ANGPT1: variants seen among roughly 807,000 people sequenced by gnomAD.
ANGPT1 encodes angiopoietin-1.
In ANGPT1, 17 loss-of-function variants were observed where a neutral mutation model predicts 62.2. That is an observed-to-expected ratio of 0.27 (90% CI 0.19 to 0.41). ANGPT1 has a LOEUF of 0.41. Among genes scored for constraint, ANGPT1 ranks in the 10% least tolerant of loss-of-function variants. The probability of loss-of-function intolerance (pLI) is 1.00; values close to 1 mark genes in which losing one functional copy is unlikely to be tolerated. For synonymous variants in ANGPT1, 199 were observed against 198.9 expected (o/e 1.00, Z 0.00); for missense variants, 478 against 594.9 (o/e 0.80, Z 2.04).
At position 107,336,211 on chromosome 8, in the gene ANGPT1, T is replaced by C; in HGVS notation, c.514A>G (p.Lys172Glu). 1 of 1,609,880 alleles carries C rather than the reference T, an allele frequency of 6.2e-7. No individual in the cohort carries two copies. ...QLLENSLSTYKLEKQLLQQTN... is the reference protein window; with the variant it reads ...QLLENSLSTYELEKQLLQQTN... ...TGTTGAAGAAGTTGCTTCTCTAGCTTGTAGGTGGATAATGAATTCTCCAGC... is the reference window on the plus strand; with the variant it reads ...TGTTGAAGAAGTTGCTTCTCTAGCTCGTAGGTGGATAATGAATTCTCCAGC... Residue 172 changes from lysine (K) to glutamate (E), a missense_variant, in exon 3 of 9, where the codon AAG (lysine) becomes GAG (glutamate). This residue lies in a region of ANGPT1 where 343 missense variants were observed against 355.4 expected (regional missense o/e 0.97). Coordinates refer to ENST00000517746, the MANE Select transcript of ANGPT1 (RefSeq NM_001146.5).
chr8:107,470,940 T>A (rs923539612), intron 1 of ANGPT1, among the ~76,000 whole-genome samples: 1 of 152,158 alleles, frequency 6.6e-6, no homozygotes, highest in South Asian at 2.1e-4. Flanking sequence ...ACTTTTACAC[T>A]GTTGGTGGGA....
intron 1 of ANGPT1, among the ~76,000 whole-genome samples, chr8:107,442,406 C>G (rs1811504715): frequency 6.6e-6 from 1 of 152,182 alleles, no homozygotes; most frequent in African/African-American, 2.4e-5. Flanking sequence ...TCAAGTTGTA[C>G]TTAGCTTCCT....
chr8:107,344,365 T>C (rs1815759027), intron 2 of ANGPT1, among the ~76,000 whole-genome samples: 1 of 152,158 alleles, frequency 6.6e-6, no homozygotes, highest in South Asian at 2.1e-4. Flanking sequence ...GAGATATTGG[T>C]ACAAACTGAT....
chr8:107,256,461 G>A (rs1813358743), intron 8 of ANGPT1, among the ~76,000 whole-genome samples: 1 of 152,106 alleles, frequency 6.6e-6, no homozygotes. Context: ...GCAGGCAAAA[G>A]TATAGCAGAC....
intron 1 of ANGPT1, among the ~76,000 whole-genome samples, chr8:107,451,316 G>GACACAC (rs138970014): frequency 0.53 from 79,094 of 148,824 alleles, 21,843 homozygotes; most frequent in Non-Finnish European, 0.62. Context: ...ATACATAACA[G>GACACAC]ACACACACAC....
intron 1 of ANGPT1, among the ~76,000 whole-genome samples, chr8:107,417,534 C>CA (rs1367575606): frequency 1.5e-5 from 2 of 131,744 alleles, no homozygotes; most frequent in Non-Finnish European, 3.6e-5. Context: ...TCTGCAGAGC[C>CA]ATTTTTTTTC....
intron 3 of ANGPT1, among the ~76,000 whole-genome samples, chr8:107,325,272 T>C (rs1203719313): frequency 2.0e-5 from 3 of 152,230 alleles, no homozygotes; most frequent in Non-Finnish European, 2.9e-5. Flanking sequence ...CCACGACCAG[T>C]GTCTTAGCTT....
chr8:107,393,071 TA>T (rs1182109821), intron 1 of ANGPT1, among the ~76,000 whole-genome samples: 2 of 152,128 alleles, frequency 1.3e-5, no homozygotes, highest in Non-Finnish European at 2.9e-5. Flanking sequence ...TTCTGTAGAG[TA>T]AAAAAGTTGG....
chr8:107,374,833 T>A (rs7819758), intron 1 of ANGPT1, among the ~76,000 whole-genome samples: 2,805 of 152,254 alleles, frequency 0.018, 105 homozygotes, highest in African/African-American at 0.063. Flanking sequence ...GAAATCTGGA[T>A]GGTATCAGAT....
chr8:107,270,175 A>T (rs1298492619), intron 7 of ANGPT1, among the ~76,000 whole-genome samples: 2 of 151,952 alleles, frequency 1.3e-5, no homozygotes, highest in Non-Finnish European at 2.9e-5. Flanking sequence ...TAAGAGACTC[A>T]CTCTCTTCAC....
At chr8:107,262,260 G>A (rs979699337) in intron 8 of ANGPT1, among the ~76,000 whole-genome samples, 3 of 152,184 alleles carry the variant, frequency 2.0e-5, no homozygotes, top group Admixed American at 6.5e-5. Flanking sequence ...ATTCGTGGAT[G>A]AAGATAACAT....
At chr8:107,370,338 GAAA>G (rs56758955) in intron 1 of ANGPT1, among the ~76,000 whole-genome samples, 3 of 33,760 alleles carry the variant, frequency 8.9e-5, no homozygotes, top group African/African-American at 2.5e-4. Context: ...AGGAAAGAAA[GAAA>G]AAGAAAGAAA....
chr8:107,477,240 C>T (rs1222732084), intron 1 of ANGPT1, among the ~76,000 whole-genome samples: 4 of 152,092 alleles, frequency 2.6e-5, no homozygotes, highest in African/African-American at 7.2e-5. Context: ...TCCATCCATT[C>T]GTTTATTAAC....
intron 1 of ANGPT1, among the ~76,000 whole-genome samples, chr8:107,409,719 C>CTT (rs5893860): frequency 4.7e-4 from 70 of 149,320 alleles, no homozygotes; most frequent in South Asian, 8.5e-4. Flanking sequence ...TGAAAAATGC[C>CTT]TTTTTTTTTT....
chr8:107,362,526 G>T (rs1256410971), intron 1 of ANGPT1, among the ~76,000 whole-genome samples: 1 of 152,028 alleles, frequency 6.6e-6, no homozygotes, highest in Non-Finnish European at 1.5e-5. Flanking sequence ...CCCAGGGCTG[G>T]CTGTTCTCAT....
chr8:107,442,327 A>C (rs1489968509), intron 1 of ANGPT1, among the ~76,000 whole-genome samples: 1 of 152,202 alleles, frequency 6.6e-6, no homozygotes, highest in Non-Finnish European at 1.5e-5. Flanking sequence ...AGTAGTTTAG[A>C]CCAACAAATA....
At chr8:107,334,425 TGTAAG>T (rs1352913468) in intron 3 of ANGPT1, among the ~76,000 whole-genome samples, 1 of 152,140 alleles carries the variant, frequency 6.6e-6, no homozygotes, top group Non-Finnish European at 1.5e-5. Flanking sequence ...CCAGACTGTG[TGTAAG>T]GTATGACAGA....
chr8:107,349,157 G>GATAGATAA (rs1162362485), intron 1 of ANGPT1, among the ~76,000 whole-genome samples: 2 of 152,000 alleles, frequency 1.3e-5, no homozygotes, highest in African/African-American at 4.8e-5. Flanking sequence ...TAGATAGATA[G>GATAGATAA]ATAGATAGAT....
intron 5 of ANGPT1, among the ~76,000 whole-genome samples, chr8:107,301,914 C>T (rs572254234): frequency 1.3e-5 from 2 of 152,044 alleles, no homozygotes; most frequent in East Asian, 3.9e-4. Flanking sequence ...GTCCAGACTT[C>T]CTGGGTTGCC....
Sources: allele counts gnomAD v4.1 joint callset (sites outside exome capture counted in the v4.1 genomes callset), GRCh38; gene constraint gnomAD v4.1.1; regional missense constraint gnomAD v4.1.1; transcripts MANE v1.5; gene names NCBI Gene and HGNC (gene_info 2026-07-23, HGNC 2026-07-21).